The following ATP10B variants were observed in gnomAD, a reference collection of about 807,000 sequenced individuals.
ATP10B encodes ATPase phospholipid transporting 10B (putative).
Under a neutral mutation model 141.2 loss-of-function variants are expected in ATP10B, and 122 were observed. The ratio of observed to expected loss-of-function variants is 0.86; its 90% CI spans 0.75 to 1.00. The LOEUF (loss-of-function observed/expected upper bound fraction) is 1.00, where lower values mean the gene tolerates loss of function less well. Among genes scored for constraint, ATP10B ranks in the 50% least tolerant of loss-of-function variants. The pLI, the probability that ATP10B is intolerant of heterozygous loss-of-function variation, is 0.00. For synonymous variants in ATP10B, 685 were observed against 692.0 expected, an observed-to-expected ratio of 0.99 and a Z score of 0.16; for missense variants, 1,876 against 1,825.3, an observed-to-expected ratio of 1.03 and a Z score of -0.51.
At chr5:160,719,855 A>G (rs979608512) in intron 2 of ATP10B, among the ~76,000 whole-genome samples, 5 of 152,306 alleles carry the variant, frequency 3.3e-5, no homozygotes, top group Middle Eastern at 3.4e-3. Context: ...AGCTTCCTGA[A>G]GCTCAGATTA....
At chr5:160,913,867 G>A in the ATP10B span, among the ~76,000 whole-genome samples, 1 of 152,076 alleles carries the variant, frequency 6.6e-6, no homozygotes, top group South Asian at 2.1e-4. Context: ...CCTGAAACTC[G>A]GTCCCTTTGG....
chr5:160,826,499 G>A (rs564073596), intron 1 of ATP10B, among the ~76,000 whole-genome samples: 6 of 152,204 alleles, frequency 3.9e-5, no homozygotes, highest in Admixed American at 3.3e-4. Context: ...CTATAATTGT[G>A]CTAACTGTAC....
intron 6 of ATP10B, among the ~76,000 whole-genome samples, chr5:160,681,846 A>T (rs1251131420): frequency 6.6e-6 from 1 of 152,232 alleles, no homozygotes; most frequent in African/African-American, 2.4e-5. Flanking sequence ...ATTAATTTTT[A>T]GCTGCCCTAA....
intron 1 of ATP10B, among the ~76,000 whole-genome samples, chr5:160,827,783 G>T (rs1381336487): frequency 2.0e-5 from 3 of 152,150 alleles, no homozygotes; most frequent in Non-Finnish European, 4.4e-5. Flanking sequence ...TCATTCACCT[G>T]CATATGGCTA....
At chr5:160,912,264 C>A in the ATP10B span, among the ~76,000 whole-genome samples, 23 of 151,942 alleles carry the variant, frequency 1.5e-4, no homozygotes, top group African/African-American at 5.6e-4. Flanking sequence ...TGAAAATGAT[C>A]ATTTGTAATT....
At chr5:160,814,880 A>G (rs1383679449) in intron 1 of ATP10B, among the ~76,000 whole-genome samples, 3 of 152,214 alleles carry the variant, frequency 2.0e-5, no homozygotes, top group African/African-American at 7.2e-5. Context: ...ATATCCAGCC[A>G]AACTAAGCTT....
rs542363965 is a variant in ATP10B, at chr5:160,733,660, T to C, written c.-330-16626A>G. Among the ~76,000 whole-genome samples the C allele has an allele frequency of 5.5e-4, 65 of 119,204 alleles. 1 individual carries two copies. In the East Asian group the frequency reaches 0.015, roughly 28 times the overall value. 78.2% of individuals were successfully genotyped at this position (119,204 alleles called of 152,430 possible). ...AACACATATGTGTAACACATATATGTAACGTTATATATATATATATATACA... is the reference window on the plus strand; with the variant it reads ...AACACATATGTGTAACACATATATGCAACGTTATATATATATATATATACA... On this transcript the variant is annotated intron_variant, in intron 2 of 25. Transcript: ENST00000327245.
chr5:160,743,080 G>C (rs1161829976), intron 2 of ATP10B, among the ~76,000 whole-genome samples: 9 of 152,168 alleles, frequency 5.9e-5, no homozygotes, highest in Admixed American at 5.9e-4. Context: ...TTTATACACA[G>C]TATTTTATTA....
the ATP10B span, among the ~76,000 whole-genome samples, chr5:160,885,347 T>C: frequency 6.6e-6 from 1 of 152,212 alleles, no homozygotes; most frequent in Non-Finnish European, 1.5e-5. Context: ...ATGTGAAGGC[T>C]GAACCAGCAG....
intron 2 of ATP10B, among the ~76,000 whole-genome samples, chr5:160,783,379 T>TCA (rs1770859270): frequency 7.2e-6 from 1 of 138,274 alleles, no homozygotes; most frequent in Non-Finnish European, 1.5e-5. Flanking sequence ...TAGTATTTCA[T>TCA]CATATATATA....
In ATP10B at chr5:160,649,227, G is replaced by A. The variant is rs200581063; in HGVS notation, c.705C>T (p.His235=). The A allele has an allele frequency of 6.3e-5, 101 of 1,613,996 alleles. No individual in the cohort carries two copies. In the African/African-American group the frequency reaches 1.3e-3, roughly 20 times the overall value. ...QEVQFEPELF[H]NTIVCEKPNN... is the part of the protein sequence containing the mutation. ...TGGGTTTCTCACACACGATGGTATT[G>A]TGGAAAAGCTCTGGTTCGAACTGTA... The change falls in exon 8 of 26, where the codon CAC becomes CAT. Residue 235 remains histidine (H), a synonymous_variant. Coordinates refer to ENST00000327245, the MANE Select transcript of ATP10B (RefSeq NM_025153.3).
intron 12 of ATP10B, 108 bp downstream of exon 12, chr5:160,634,246 A>G (rs755461573): frequency 6.2e-5 from 95 of 1,525,960 alleles, no homozygotes; most frequent in Non-Finnish European, 8.2e-5. Flanking sequence ...TGGAAATGCC[A>G]CACAGCCTCT....
At chr5:160,665,810 C>T (rs889662219) in intron 7 of ATP10B, among the ~76,000 whole-genome samples, 3 of 152,046 alleles carry the variant, frequency 2.0e-5, no homozygotes, top group African/African-American at 4.8e-5. Context: ...TTAGATGTTC[C>T]TAGTAATCTC....
chr5:160,740,100 T>C (rs568758035), intron 2 of ATP10B, among the ~76,000 whole-genome samples: 1 of 152,326 alleles, frequency 6.6e-6, no homozygotes, highest in East Asian at 1.9e-4. Flanking sequence ...ACAAGACCCA[T>C]TAATAAATGC....
At chr5:160,721,835 T>C (rs1262626708) in intron 2 of ATP10B, among the ~76,000 whole-genome samples, 4 of 152,200 alleles carry the variant, frequency 2.6e-5, no homozygotes, top group Non-Finnish European at 5.9e-5. Context: ...TGCCCTCCCT[T>C]AATAAGACAA....
At chr5:160,882,169 A>G in the ATP10B span, among the ~76,000 whole-genome samples, 1 of 152,236 alleles carries the variant, frequency 6.6e-6, no homozygotes, top group Non-Finnish European at 1.5e-5. Flanking sequence ...TTGTGATACT[A>G]TAATGATAGA....
chr5:160,589,705 G>A lies in ATP10B; in HGVS notation c.3646-9C>T. Reference sequence around the variant, plus strand: ...TCAGAGCCCTTATAGGCCTGCAGAGGAGGAACAGACAGGCATTGTCAGGTA... The same window carrying A: ...TCAGAGCCCTTATAGGCCTGCAGAGAAGGAACAGACAGGCATTGTCAGGTA... On this transcript the variant is annotated splice_polypyrimidine_tract_variant and intron_variant, in intron 23 of 25. Transcript: ENST00000327245. 4 of 1,601,384 alleles carry A rather than the reference G, an allele frequency of 2.5e-6. No individual in the cohort carries two copies. Among genetic ancestry groups the A allele is most frequent in the Non-Finnish European group, 3.4e-6 (4 of 1,168,462 alleles).
In ATP10B at chr5:160,754,479, G is replaced by A. The variant is rs552704852; in HGVS notation, c.-331+31080C>T. Among the ~76,000 whole-genome samples the A allele has an allele frequency of 2.6e-5, 4 of 152,298 alleles. No individual in the cohort carries two copies. In the East Asian group the frequency reaches 7.7e-4, roughly 29 times the overall value. ...AAATGAGACTCAAGGATGAGGTATG[G>A]CAAGGGTCTGTGGAAATGAAAGATG... On this transcript the variant is annotated intron_variant, in intron 2 of 25. Coordinates refer to ENST00000327245, the MANE Select transcript of ATP10B (RefSeq NM_025153.3).
the ATP10B span, among the ~76,000 whole-genome samples, chr5:160,873,557 C>T: frequency 6.6e-5 from 10 of 152,310 alleles, no homozygotes; most frequent in South Asian, 2.1e-4. Context: ...GGAACAGCTC[C>T]GGTCTACAGC....
Sources: allele counts gnomAD v4.1 joint callset (sites outside exome capture counted in the v4.1 genomes callset), GRCh38; gene constraint gnomAD v4.1.1; transcripts MANE v1.5; gene names NCBI Gene and HGNC (gene_info 2026-07-23, HGNC 2026-07-21).